Variants in LAMB4 observed in about 807,000 individuals in gnomAD.
The protein encoded by LAMB4 is laminin subunit beta-4.
LAMB4 carries 196 observed loss-of-function variants against 199.2 expected under a neutral mutation model. That is an observed-to-expected ratio of 0.98 (90% confidence interval 0.88 to 1.11). The LOEUF (loss-of-function observed/expected upper bound fraction) is 1.11, where lower values mean the gene tolerates loss of function less well. Ranked by LOEUF, LAMB4 falls within the 50% of genes least tolerant of loss-of-function variation. The pLI, the probability that LAMB4 is intolerant of heterozygous loss-of-function variation, is 0.00. For synonymous variants in LAMB4, 744 were observed against 770.6 expected (o/e 0.97, Z 0.57); for missense variants, 2,080 against 2,171.2 (o/e 0.96, Z 0.83).
chr7:108,055,684 C>T lies in LAMB4; in HGVS notation c.3703G>A (p.Val1235Ile). 6.2e-7 allele frequency: 1 copy of T among 1,613,978 alleles called. No individual in the cohort carries two copies. Among genetic ancestry groups the T allele is most frequent in the Non-Finnish European group, 8.5e-7 (1 of 1,179,854 alleles). Residue 1235 changes from valine to isoleucine, a missense_variant, in exon 25 of 34, where the codon GTT becomes ATT. Val to Ile is a conservative substitution (Grantham distance 29). Coordinates refer to ENST00000388781, the MANE Select transcript of LAMB4 (RefSeq NM_007356.3). ...SEIERILKHP[V>I]FPSGKFLKVK... ...TTTAAGAATTTCCCAGATGGGAAAA[C>T]AGGATGTTTCAAAATCCTTTCTATT...
rs778310925 is a variant in LAMB4 at position 108,076,967 on chromosome 7, G to A, written c.2101C>T (p.His701Tyr). Residue 701 changes from histidine to tyrosine, a missense_variant, in exon 17 of 34, where the codon CAT (histidine) becomes TAT (tyrosine). Physicochemically the swap from His to Tyr is moderately conservative, Grantham distance 83. Transcript: ENST00000388781. ...ACAGAGTCCACCAGGACATGTGAAT[G>A]AGCGTGGGACTCTCCTTGCAAAGGC... ...SQPLQGESHA[H>Y]SHVLVDSLGL... 4 of 1,614,034 alleles carry A rather than the reference G, an allele frequency of 2.5e-6. No homozygotes were observed. In the South Asian group the frequency reaches 4.4e-5, roughly 18 times the overall value.
chr7:108,129,948 A>T (rs1294866307), intron 1 of LAMB4, among the ~76,000 whole-genome samples: 2 of 152,276 alleles, frequency 1.3e-5, no homozygotes, highest in Non-Finnish European at 2.9e-5. Context: ...TTAAACTTTT[A>T]TAAGTTGTCA....
chr7:108,050,630 T>C (rs960106389), intron 26 of LAMB4, among the ~76,000 whole-genome samples: 10 of 152,188 alleles, frequency 6.6e-5, no homozygotes, highest in African/African-American at 2.2e-4. Context: ...TTACTCCCTA[T>C]AGAACCATAA....
chr7:108,121,605 G>T (rs982123109), intron 2 of LAMB4, among the ~76,000 whole-genome samples: 1 of 152,050 alleles, frequency 6.6e-6, no homozygotes, highest in African/African-American at 2.4e-5. Flanking sequence ...CAAAAAATTA[G>T]CTGGGCATGG....
intron 33 of LAMB4, among the ~76,000 whole-genome samples, chr7:108,028,035 C>T (rs1480771958): frequency 6.6e-6 from 1 of 152,186 alleles, no homozygotes; most frequent in African/African-American, 2.4e-5. Context: ...CCATCTGCCT[C>T]AGCCTCCCAA....
intron 23 of LAMB4, among the ~76,000 whole-genome samples, chr7:108,062,037 C>T (rs2036178943): frequency 6.6e-6 from 1 of 152,082 alleles, no homozygotes; most frequent in Admixed American, 6.6e-5. Flanking sequence ...CTTTCTCCCC[C>T]AAACTCTATT....
At chr7:108,040,683 G>C (rs1266587474) in intron 29 of LAMB4, among the ~76,000 whole-genome samples, 2 of 152,160 alleles carry the variant, frequency 1.3e-5, no homozygotes, top group Non-Finnish European at 2.9e-5. Context: ...TTCAATAAAT[G>C]GTGTGGGATA....
the LAMB4 span, among the ~76,000 whole-genome samples, chr7:108,015,101 A>G: frequency 1.3e-5 from 2 of 152,174 alleles, no homozygotes; most frequent in African/African-American, 4.8e-5. Context: ...GCTTCTTTAC[A>G]CTGATCTGTA....
At chr7:108,025,294 T>C (rs544798939) in intron 33 of LAMB4, among the ~76,000 whole-genome samples, 106 of 152,146 alleles carry the variant, frequency 7.0e-4, no homozygotes, top group African/African-American at 2.5e-3. Flanking sequence ...TATAAAAAAC[T>C]CTCTAGGAGT....
intron 29 of LAMB4, among the ~76,000 whole-genome samples, chr7:108,040,311 A>G (rs1732150): frequency 0.11 from 17,091 of 152,290 alleles, 1,512 homozygotes; most frequent in African/African-American, 0.24. Context: ...GGAAGAATCA[A>G]TATCATTAAA....
At chr7:108,121,784 G>C (rs1271020895) in intron 2 of LAMB4, among the ~76,000 whole-genome samples, 2 of 151,692 alleles carry the variant, frequency 1.3e-5, no homozygotes, top group African/African-American at 2.4e-5. Flanking sequence ...TGTAGATAAG[G>C]TTTGCACTTT....
chr7:108,107,093 TGACA>T (rs2038046875), intron 6 of LAMB4, among the ~76,000 whole-genome samples: 1 of 152,054 alleles, frequency 6.6e-6, no homozygotes, highest in Non-Finnish European at 1.5e-5. Context: ...TGGGATGGAG[TGACA>T]GACAATTTGG....
intron 32 of LAMB4, among the ~76,000 whole-genome samples, chr7:108,029,830 C>T (rs1045739011): frequency 6.6e-6 from 1 of 152,004 alleles, no homozygotes; most frequent in Admixed American, 6.6e-5. Flanking sequence ...GTAGAAAGTA[C>T]CTTTCTTGGC....
intron 19 of LAMB4, among the ~76,000 whole-genome samples, chr7:108,066,881 G>C (rs1236498948): frequency 6.6e-6 from 1 of 151,320 alleles, no homozygotes; most frequent in East Asian, 1.9e-4. Context: ...ATATATCTTA[G>C]GTATATTAAT....
intron 15 of LAMB4, 67 bp from the exon 16 acceptor site, chr7:108,078,383 AT>A: frequency 1.0e-6 from 1 of 964,512 alleles, no homozygotes; most frequent in South Asian, 1.4e-5. Flanking sequence ...ACGTACACAC[AT>A]ATAGCTAATG....
In LAMB4 at chr7:108,105,812, C is replaced by G. The variant is rs1311133197; in HGVS notation, c.870+5G>C. ...GCCCACTGTTCTTTTGGATTAATAA[C>G]TCACCATTCCAGGAGGGCTGAAAAC... is the stretch of plus-strand genomic sequence containing the variant. On this transcript the variant is annotated splice_donor_5th_base_variant and intron_variant, in intron 8 of 33. Coordinates refer to ENST00000388781, the MANE Select transcript of LAMB4 (RefSeq NM_007356.3). The G allele has an allele frequency of 1.2e-6, 2 of 1,613,382 alleles. No individual in the cohort carries two copies. Among genetic ancestry groups the G allele is most frequent in the Non-Finnish European group, 1.7e-6 (2 of 1,179,402 alleles).
At chr7:108,028,996 C>T (rs1423855732) in intron 33 of LAMB4, 47 bp downstream of exon 33, 1 of 1,545,858 alleles carries the variant, frequency 6.5e-7, no homozygotes, top group South Asian at 1.2e-5. Flanking sequence ...AGGTAGAGTA[C>T]CATGATGTTA....
intron 14 of LAMB4, among the ~76,000 whole-genome samples, chr7:108,083,134 G>A (rs2150586658): frequency 6.6e-6 from 1 of 152,314 alleles, no homozygotes; most frequent in South Asian, 2.1e-4. Flanking sequence ...GTGGTGGGGT[G>A]GAATAGTCGG....
rs1289156562 is a variant in LAMB4, at chr7:108,049,759, T to G, written c.3917-228A>C. Among the ~76,000 whole-genome samples the G allele has an allele frequency of 2.0e-5, 3 of 152,216 alleles. No individual in the cohort carries two copies. The South Asian group carries it at 6.2e-4, about 31-fold the overall frequency. ...GCATTGAGATTTAAGTCCACAGATG[T>G]GGTGTGAGTCCTGGCTTCACCCTTT... On this transcript the variant is annotated intron_variant, in intron 26 of 33. Transcript: ENST00000388781.
Sources: allele counts gnomAD v4.1 joint callset (sites outside exome capture counted in the v4.1 genomes callset), GRCh38; gene constraint gnomAD v4.1.1; transcripts MANE v1.5; gene names NCBI Gene and HGNC (gene_info 2026-07-23, HGNC 2026-07-21).